TTLL4: variants seen among roughly 807,000 people sequenced by gnomAD.
TTLL4 encodes tubulin tyrosine ligase like 4, also known as tubulin monoglutamylase TTLL4.
TTLL4 carries 85 observed loss-of-function variants against 122.7 expected under a neutral mutation model. That is an observed-to-expected ratio of 0.69 (90% CI 0.58 to 0.83). The LOEUF (loss-of-function observed/expected upper bound fraction) is 0.83, where lower values mean the gene tolerates loss of function less well. TTLL4 is among the 40% of genes least tolerant of loss of function. The pLI is 0.00. For synonymous variants in TTLL4, 553 were observed against 563.0 expected (o/e 0.98, Z 0.25); for missense variants, 1,363 against 1,488.6 (o/e 0.92, Z 1.39).
intron 2 of TTLL4, among the ~76,000 whole-genome samples, chr2:218,732,926 A>G (rs1249177831): frequency 6.6e-6 from 1 of 152,204 alleles, no homozygotes; most frequent in Non-Finnish European, 1.5e-5. Flanking sequence ...CACTGAAACT[A>G]GGTTGGAGCA....
chr2:218,724,446 C>T (rs905059733), intron 1 of TTLL4, among the ~76,000 whole-genome samples: 2 of 152,120 alleles, frequency 1.3e-5, no homozygotes, highest in African/African-American at 4.8e-5. Flanking sequence ...TCTTCCTGGC[C>T]TCTGTTAACC....
At chr2:218,751,414 A>G (rs1386293895) in intron 15 of TTLL4, among the ~76,000 whole-genome samples, 1 of 152,162 alleles carries the variant, frequency 6.6e-6, no homozygotes, top group Non-Finnish European at 1.5e-5. Context: ...CACTGAATTA[A>G]ACTGAACTGA....
intron 1 of TTLL4, among the ~76,000 whole-genome samples, 156 bp from the exon 2 acceptor site, chr2:218,727,113 A>G (rs1156755245): frequency 2.0e-5 from 3 of 152,120 alleles, no homozygotes; most frequent in Non-Finnish European, 4.4e-5. Flanking sequence ...CCAGACTGCT[A>G]ATTTCTTTTA....
rs1941685413 is a variant in TTLL4 at position 218,711,000 on chromosome 2, G to C, written c.-215G>C. The C allele has an allele frequency of 6.6e-6, 1 of 152,496 alleles. No individual in the cohort carries two copies. The highest frequency in any genetic ancestry group is 1.5e-5 in the Non-Finnish European group (1 of 68,252). The allele number at this position is 152,496 out of a possible 1,614,324, so 9.4% of individuals were successfully genotyped here. The stretch of plus-strand genomic sequence containing the variant: ...GCAGGCCGAGGGAGGAAGTAGCGTG[G>C]AGCCGGTGCCGAGCCGGGGCGAAGC... On this transcript the variant is annotated 5_prime_UTR_variant, in exon 1 of 20. Transcript: ENST00000392102.
rs1253973876 is a variant in TTLL4 at position 218,740,529 on chromosome 2, G to C, written c.1606G>C (p.Glu536Gln). The C allele has an allele frequency of 2.5e-6, 4 of 1,614,164 alleles. No individual in the cohort carries two copies. The highest frequency in any genetic ancestry group is 1.7e-5 in the Admixed American group (1 of 60,022). Reference protein sequence around the residue: ...DENEEEEGDSECSSLSAVSPS... With the variant: ...DENEEEEGDSQCSSLSAVSPS... ...GTTCTTCCTTCCTCTAGGAGACTCA[G>C]AGTGCTCCTCATTAAGTGCTGTCTC... Residue 536 changes from glutamate (E) to glutamine (Q), a missense_variant, in exon 5 of 20, where the codon GAG (glutamate) becomes CAG (glutamine). Physicochemically the swap from Glu to Gln is conservative, Grantham distance 29. This residue lies in a region of TTLL4 where 760 missense variants were observed against 808.4 expected (regional missense o/e 0.94). Coordinates refer to ENST00000392102, the MANE Select transcript of TTLL4 (RefSeq NM_014640.5).
rs1942830124 is a variant in TTLL4 at position 218,745,895 on chromosome 2, G to A, written c.1897+94G>A. The A allele has an allele frequency of 4.4e-6, 5 of 1,143,600 alleles. No individual in the cohort carries two copies. In the South Asian group the frequency reaches 5.2e-5, roughly 12 times the overall value. The allele number at this position is 1,143,600 out of a possible 1,614,324, so 70.8% of individuals were successfully genotyped here. ...GCTCTAGACACCTCGTGCCTATGTC[G>A]GGGCAGCTGGGGCCCTCTCCTGAAA... On this transcript the variant is annotated intron_variant, in intron 7 of 19. Coordinates refer to ENST00000392102, the MANE Select transcript of TTLL4 (RefSeq NM_014640.5).
chr2:218,751,732 C>A lies in TTLL4; in HGVS notation c.2902C>A (p.Arg968=), dbSNP rs765252716. ...SLPTSPGDKC[R]MAPEHVTAQK... is the part of the protein sequence containing the mutation. ...GCCCACCTCCCCTGGGGACAAATGT[C>A]GAATGGCTCCAGAGCATGTCACTGC... is the stretch of plus-strand genomic sequence containing the variant. Residue 968 remains arginine, a synonymous_variant, in exon 16 of 20, where the codon CGA becomes AGA. Transcript: ENST00000392102. 1.9e-6 allele frequency: 3 copies of A among 1,613,232 alleles called. No individual in the cohort carries two copies. In the Admixed American group the frequency reaches 5.0e-5, roughly 27 times the overall value.
At chr2:218,733,398 G>A (rs1269556605) in intron 2 of TTLL4, among the ~76,000 whole-genome samples, 4 of 152,146 alleles carry the variant, frequency 2.6e-5, no homozygotes, top group Non-Finnish European at 4.4e-5. Flanking sequence ...GAGCAGGAGA[G>A]AGAGAAAGCA....
At position 218,746,192 on chromosome 2, in the gene TTLL4, G is replaced by A; in HGVS notation, c.1935G>A (p.Met645Ile). Residue 645 changes from methionine to isoleucine, a missense_variant, in exon 8 of 20, where the codon ATG becomes ATA. This residue lies in a region of TTLL4 where 760 missense variants were observed against 808.4 expected (regional missense o/e 0.94). Transcript: ENST00000392102. ...DDWLGCWGHH[M>I]KSPSFRSIRE... is the part of the protein sequence containing the mutation. ...GGCTGGGCTGCTGGGGTCACCACAT[G>A]AAGTCTCCTAGTTTCCGATCCATTC... is the stretch of plus-strand genomic sequence containing the variant. 4.3e-6 allele frequency: 7 copies of A among 1,614,116 alleles called. No homozygotes were observed. The highest frequency in any genetic ancestry group is 5.9e-6 in the Non-Finnish European group (7 of 1,180,030).
chr2:218,742,757 C>G (rs1466336538), intron 5 of TTLL4, among the ~76,000 whole-genome samples: 3 of 152,146 alleles, frequency 2.0e-5, no homozygotes, highest in Non-Finnish European at 2.9e-5. Flanking sequence ...CTCAGTTTCC[C>G]CCATTGGGTA....
intron 2 of TTLL4, among the ~76,000 whole-genome samples, chr2:218,729,822 C>CATG (rs1942315028): frequency 6.7e-6 from 1 of 149,778 alleles, no homozygotes; most frequent in Non-Finnish European, 1.5e-5. Flanking sequence ...GTGGTGTGAT[C>CATG]ATGGCACATT....
intron 5 of TTLL4, among the ~76,000 whole-genome samples, chr2:218,744,066 G>T (rs2106445458): frequency 6.6e-6 from 1 of 152,250 alleles, no homozygotes; most frequent in Non-Finnish European, 1.5e-5. Flanking sequence ...AGCCTTTGAA[G>T]AAAAAGTTTG....
intron 1 of TTLL4, among the ~76,000 whole-genome samples, chr2:218,711,591 T>C (rs942571386): frequency 6.6e-6 from 1 of 152,346 alleles, no homozygotes; most frequent in East Asian, 1.9e-4. Flanking sequence ...TTGACAAATA[T>C]TTAATGAGCC....
At chr2:218,750,278 A>G in intron 15 of TTLL4, 132 bp downstream of exon 15, 3 of 1,263,224 alleles carry the variant, frequency 2.4e-6, no homozygotes, top group Non-Finnish European at 3.2e-6. Flanking sequence ...CCTACAGTCC[A>G]CTAACATGCT....
chr2:218,712,235 A>G (rs534218563), intron 1 of TTLL4, among the ~76,000 whole-genome samples: 19 of 152,326 alleles, frequency 1.2e-4, no homozygotes, highest in African/African-American at 3.8e-4. Flanking sequence ...GGGTTAGATC[A>G]CAAAGGGCCT....
intron 1 of TTLL4, among the ~76,000 whole-genome samples, chr2:218,726,948 T>A (rs914841111): frequency 6.6e-6 from 1 of 152,136 alleles, no homozygotes; most frequent in African/African-American, 2.4e-5. Flanking sequence ...TAGCTGGGAT[T>A]ACAGGTGTGC....
downstream of TTLL4, among the ~76,000 whole-genome samples, chr2:218,758,032 T>TC (rs905938549): frequency 1.3e-5 from 2 of 152,148 alleles, no homozygotes; most frequent in African/African-American, 2.4e-5. Flanking sequence ...CTTTTAGAGT[T>TC]CCCCCTGTAG....
At position 218,752,852 on chromosome 2, in the gene TTLL4, G is replaced by A. The variant is rs561477214; in HGVS notation, c.3066G>A (p.Gln1022=). The A allele has an allele frequency of 2.8e-5, 45 of 1,614,202 alleles. No homozygotes were observed. The African/African-American group carries it at 3.7e-4, about 13-fold the overall frequency. ...EMEDEFSRRG[Q]FERIFPSHIS... ...AAGATGAGTTTTCTCGCCGTGGTCA[G>A]TTTGAACGAATTTTTCCTTCTCATA... The change falls in exon 17 of 20, where the codon CAG becomes CAA. Residue 1022 remains glutamine (Q), a synonymous_variant. Transcript: ENST00000392102.
chr2:218,746,785 A>G, intron 8 of TTLL4: 1 of 570,070 alleles, frequency 1.8e-6, no homozygotes, highest in Non-Finnish European at 3.1e-6. Flanking sequence ...GGTGAATATC[A>G]CATCTGGCTT....
Sources: gnomAD v4.1 joint callset for allele counts (sites outside exome capture counted in the v4.1 genomes callset) on GRCh38, gnomAD v4.1.1 for gene constraint, gnomAD v4.1.1 regional missense constraint, MANE v1.5 for transcripts, NCBI Gene and HGNC (gene_info 2026-07-23, HGNC 2026-07-21) for gene names.